Variants in CDKAL1 observed in about 807,000 individuals in gnomAD.
CDKAL1 encodes threonylcarbamoyladenosine tRNA methylthiotransferase.
CDKAL1 carries 32 observed loss-of-function variants against 68.2 expected under a neutral mutation model. The observed-to-expected ratio is 0.47, with a 90% CI of 0.35 to 0.63. The LOEUF (loss-of-function observed/expected upper bound fraction) is 0.63, where lower values mean the gene tolerates loss of function less well. Among genes scored for constraint, CDKAL1 ranks in the 30% least tolerant of loss-of-function variants. CDKAL1 has a pLI of 0.00. For synonymous variants in CDKAL1, 234 were observed against 244.3 expected, an observed-to-expected ratio of 0.96 and a Z score of 0.39; for missense variants, 606 against 696.7, an observed-to-expected ratio of 0.87 and a Z score of 1.47.
intron 13 of CDKAL1, among the ~76,000 whole-genome samples, chr6:21,193,357 A>G (rs1263239097): frequency 2.6e-5 from 4 of 152,152 alleles, no homozygotes; most frequent in African/African-American, 9.7e-5. Context: ...AGAGTACATA[A>G]TTTCCTTCAG....
intron 4 of CDKAL1, among the ~76,000 whole-genome samples, chr6:20,633,634 A>G (rs1457266901): frequency 6.6e-6 from 1 of 152,186 alleles, no homozygotes; most frequent in Non-Finnish European, 1.5e-5. Context: ...CAGCCAAACC[A>G]TTTTACATTT....
intron 9 of CDKAL1, among the ~76,000 whole-genome samples, chr6:20,906,206 A>G (rs1436752660): frequency 6.6e-6 from 1 of 152,012 alleles, no homozygotes; most frequent in Non-Finnish European, 1.5e-5. Context: ...TTTGTTTTCT[A>G]TATAATTTAA....
intron 4 of CDKAL1, among the ~76,000 whole-genome samples, chr6:20,575,194 C>A (rs1438120827): frequency 1.3e-5 from 2 of 151,502 alleles, no homozygotes; most frequent in African/African-American, 4.9e-5. Context: ...AGTTTTTAAA[C>A]CATATTTAAT....
chr6:21,029,331 A>AT (rs1769136395), intron 11 of CDKAL1, among the ~76,000 whole-genome samples: 1 of 152,146 alleles, frequency 6.6e-6, no homozygotes, highest in Middle Eastern at 3.2e-3. Context: ...AAGTGCTGGG[A>AT]TTACAGGCAT....
At chr6:21,222,002 C>G (rs1214241239) in intron 15 of CDKAL1, among the ~76,000 whole-genome samples, 1 of 152,184 alleles carries the variant, frequency 6.6e-6, no homozygotes, top group Non-Finnish European at 1.5e-5. Flanking sequence ...TGAGACCACA[C>G]AGGGGCACAT....
At chr6:20,861,010 G>C (rs187948983) in intron 9 of CDKAL1, among the ~76,000 whole-genome samples, 1 of 150,226 alleles carries the variant, frequency 6.7e-6, no homozygotes, top group Admixed American at 6.7e-5. Flanking sequence ...ATCCTATTAG[G>C]AGGGTAAGAA....
intron 5 of CDKAL1, among the ~76,000 whole-genome samples, chr6:20,716,297 A>G (rs1269752336): frequency 4.6e-5 from 7 of 152,348 alleles, no homozygotes; most frequent in South Asian, 2.1e-4. Context: ...CCTATTTTAT[A>G]TAATATGGTC....
At chr6:20,987,308 G>A (rs1303719684) in intron 10 of CDKAL1, among the ~76,000 whole-genome samples, 1 of 150,734 alleles carries the variant, frequency 6.6e-6, no homozygotes, top group African/African-American at 2.5e-5. Context: ...ACCCAGGCTG[G>A]AGTGCAGTGG....
chr6:20,889,133 A>AT (rs1761247630), intron 9 of CDKAL1, among the ~76,000 whole-genome samples: 1 of 151,794 alleles, frequency 6.6e-6, no homozygotes, highest in Non-Finnish European at 1.5e-5. Flanking sequence ...GATGATGAGC[A>AT]TTTTTTCATG....
At chr6:21,122,441 G>C (rs1562049318) in intron 13 of CDKAL1, among the ~76,000 whole-genome samples, 1 of 151,978 alleles carries the variant, frequency 6.6e-6, no homozygotes, top group Non-Finnish European at 1.5e-5. Context: ...ACTTCACAGA[G>C]TCTATATCCT....
At chr6:20,892,255 A>G (rs1382139928) in intron 9 of CDKAL1, among the ~76,000 whole-genome samples, 1 of 152,200 alleles carries the variant, frequency 6.6e-6, no homozygotes, top group Non-Finnish European at 1.5e-5. Flanking sequence ...AGAGGGAGAG[A>G]GACTGAAGTG....
intron 8 of CDKAL1, among the ~76,000 whole-genome samples, chr6:20,839,265 A>G (rs1199928139): frequency 6.6e-6 from 1 of 152,218 alleles, no homozygotes; most frequent in Non-Finnish European, 1.5e-5. Context: ...TAAGGAAAAT[A>G]TAATGAGATT....
chr6:21,177,486 G>A (rs1272609850), intron 13 of CDKAL1, among the ~76,000 whole-genome samples: 3 of 152,134 alleles, frequency 2.0e-5, no homozygotes, highest in Non-Finnish European at 4.4e-5. Context: ...CTGTTTAGAA[G>A]CCTCAGTTTA....
intron 12 of CDKAL1, among the ~76,000 whole-genome samples, chr6:21,104,528 A>C (rs1002471536): frequency 2.0e-5 from 3 of 152,046 alleles, no homozygotes; most frequent in East Asian, 1.9e-4. Context: ...TAAAAAAAAA[A>C]AACAACAGGC....
intron 8 of CDKAL1, among the ~76,000 whole-genome samples, chr6:20,836,374 G>A (rs965020284): frequency 6.6e-5 from 10 of 152,116 alleles, no homozygotes; most frequent in South Asian, 2.1e-4. Context: ...AAAATTCAGC[G>A]TAAGTTGCAG....
intron 12 of CDKAL1, among the ~76,000 whole-genome samples, chr6:21,072,014 A>G (rs1207124420): frequency 6.6e-6 from 1 of 152,242 alleles, no homozygotes; most frequent in Non-Finnish European, 1.5e-5. Flanking sequence ...GGGAAGCGAT[A>G]CACACAGCCA....
chr6:21,042,399 A>G (rs1262402864), intron 11 of CDKAL1, among the ~76,000 whole-genome samples: 2 of 152,124 alleles, frequency 1.3e-5, no homozygotes, highest in Non-Finnish European at 2.9e-5. Context: ...CCCTACCTGC[A>G]CTTATAGTTC....
chr6:21,099,495 A>G (rs1207498093), intron 12 of CDKAL1, among the ~76,000 whole-genome samples: 1 of 152,220 alleles, frequency 6.6e-6, no homozygotes, highest in Non-Finnish European at 1.5e-5. Flanking sequence ...GGCAGCCAGC[A>G]GTATTTGGCC....
intron 4 of CDKAL1, among the ~76,000 whole-genome samples, chr6:20,633,019 C>A (rs1445976166): frequency 6.6e-6 from 1 of 152,130 alleles, no homozygotes; most frequent in East Asian, 1.9e-4. Context: ...TGGTGTGGCT[C>A]CAGCTTACCT....
Sources: gnomAD v4.1 joint callset for allele counts (sites outside exome capture counted in the v4.1 genomes callset) on GRCh38, gnomAD v4.1.1 for gene constraint, MANE v1.5 for transcripts, NCBI Gene and HGNC (gene_info 2026-07-23, HGNC 2026-07-21) for gene names.